The following SLC33A1 variants were observed in gnomAD, a reference collection of about 807,000 sequenced individuals.
SLC33A1 encodes the protein acetyl-coenzyme A transporter 1.
In SLC33A1, 20 loss-of-function variants were observed where a neutral mutation model predicts 50.0. That is an observed-to-expected ratio of 0.40 (90% CI 0.28 to 0.58). The LOEUF (loss-of-function observed/expected upper bound fraction) is 0.58. Among genes scored for constraint, SLC33A1 ranks in the 20% least tolerant of loss-of-function variants. The pLI is 0.44. For missense variants in SLC33A1, 476 were observed against 657.0 expected (o/e 0.72, Z 3.01); for synonymous variants, 265 against 251.8 (o/e 1.05, Z -0.50).
intron 2 of SLC33A1, among the ~76,000 whole-genome samples, chr3:155,835,477 G>A (rs144391299): frequency 2.2e-4 from 34 of 152,268 alleles, no homozygotes; most frequent in African/African-American, 7.9e-4. Context: ...TGCAAACATA[G>A]ATAAGCAAGC....
At chr3:155,835,178 A>G (rs1188392637) in intron 2 of SLC33A1, among the ~76,000 whole-genome samples, 1 of 152,200 alleles carries the variant, frequency 6.6e-6, no homozygotes, top group Non-Finnish European at 1.5e-5. Context: ...AAATTACTCT[A>G]AAGTATTTCA....
intron 5 of SLC33A1, 87 bp downstream of exon 5, chr3:155,829,601 A>G (rs1752328855): frequency 2.1e-6 from 2 of 972,754 alleles, no homozygotes; most frequent in Admixed American, 3.9e-5. Context: ...ATGATTTTTA[A>G]AAAAGATATA....
intron 1 of SLC33A1, among the ~76,000 whole-genome samples, chr3:155,852,230 G>A (rs376255529): frequency 1.3e-5 from 2 of 151,986 alleles, no homozygotes; most frequent in African/African-American, 4.8e-5. Context: ...CCAAGGAGGG[G>A]GAGAATCACC....
chr3:155,833,700 A>C, intron 3 of SLC33A1, 115 bp from the exon 4 acceptor site: 1 of 929,972 alleles, frequency 1.1e-6, no homozygotes, highest in Non-Finnish European at 1.8e-6. Context: ...ACCTGTTAGG[A>C]GGTTAAAAAG....
At position 155,848,036 on chromosome 3, in the gene SLC33A1, T is replaced by C. The variant is rs915250767; in HGVS notation, c.775+5187A>G. Among the ~76,000 whole-genome samples the C allele has an allele frequency of 7.2e-5, 11 of 152,348 alleles. No homozygotes were observed. The South Asian group carries it at 2.3e-3, about 32-fold the overall frequency. The stretch of plus-strand genomic sequence containing the variant: ...AATCACTTCTAATTGTTACTACTGC[T>C]GCTAGAGGAGAGGGCCTCAATTACC... On this transcript the variant is annotated intron_variant, in intron 1 of 5. Transcript: ENST00000643144.
intron 2 of SLC33A1, among the ~76,000 whole-genome samples, chr3:155,840,791 G>A (rs1365843973): frequency 6.6e-6 from 1 of 151,896 alleles, no homozygotes; most frequent in Non-Finnish European, 1.5e-5. Flanking sequence ...TCCAGCCTGG[G>A]CAATAAGAGT....
At chr3:155,830,324 G>T (rs1752374284) in intron 4 of SLC33A1, among the ~76,000 whole-genome samples, 1 of 151,830 alleles carries the variant, frequency 6.6e-6, no homozygotes, top group Non-Finnish European at 1.5e-5. Context: ...AGTGAGCTGA[G>T]ATCGCACCAC....
intron 4 of SLC33A1, among the ~76,000 whole-genome samples, chr3:155,831,685 A>G (rs1752442012): frequency 6.6e-6 from 1 of 152,112 alleles, no homozygotes; most frequent in South Asian, 2.1e-4. Flanking sequence ...TAACATACCG[A>G]CAGAAATACT....
Position 155,854,152 on chromosome 3 carries a change from A to G in SLC33A1, c.-155T>C, listed in dbSNP as rs889676830. 1 of 554,912 alleles carries G rather than the reference A, an allele frequency of 1.8e-6. No homozygotes were observed. The highest frequency in any genetic ancestry group is 3.1e-6 in the Non-Finnish European group (1 of 327,836). 34.4% of individuals were successfully genotyped at this position (554,912 alleles called of 1,614,324 possible). A position where few individuals can be genotyped will look rare whatever the true frequency, so the allele number is the denominator to read the frequency against. ...GAGCGATAAGGGCACTTCTTACTGCAGCCCGGAGTGCTGAAGCCGGGAGCC... is the reference window on the plus strand; with the variant it reads ...GAGCGATAAGGGCACTTCTTACTGCGGCCCGGAGTGCTGAAGCCGGGAGCC... On this transcript the variant is annotated 5_prime_UTR_variant, in exon 1 of 6. Transcript: ENST00000643144.
chr3:155,849,232 T>C (rs911457132), intron 1 of SLC33A1, among the ~76,000 whole-genome samples: 2 of 151,962 alleles, frequency 1.3e-5, no homozygotes, highest in Non-Finnish European at 2.9e-5. Flanking sequence ...ATTTTAGAAT[T>C]AAAAAAAGAA....
intron 2 of SLC33A1, among the ~76,000 whole-genome samples, chr3:155,838,740 C>T (rs1319114497): frequency 1.3e-5 from 2 of 151,138 alleles, no homozygotes; most frequent in African/African-American, 4.9e-5. Context: ...GTTCTAACTA[C>T]TTGAGAGGCT....
intron 1 of SLC33A1, among the ~76,000 whole-genome samples, chr3:155,849,939 TAATAATAATAATAATAAC>T (rs1229622288): frequency 2.0e-5 from 3 of 147,368 alleles, no homozygotes; most frequent in Admixed American, 1.4e-4. Flanking sequence ...ATAATAATAA[TAATAATAATAATAATAAC>T]AATTCACTGC....
At chr3:155,838,130 C>A (rs578180212) in intron 2 of SLC33A1, among the ~76,000 whole-genome samples, 6 of 151,886 alleles carry the variant, frequency 4.0e-5, no homozygotes, top group Admixed American at 2.0e-4. Flanking sequence ...ATGGAGAAAC[C>A]CTGTCCCTAC....
Position 155,829,868 on chromosome 3 carries a change from A to C in SLC33A1, c.1302T>G (p.Ala434=). The change falls in exon 5 of 6, where the codon GCT becomes GCG. Residue 434 remains alanine (A), a synonymous_variant. Coordinates refer to ENST00000643144, the MANE Select transcript of SLC33A1 (RefSeq NM_004733.4). ...GTGGATCACTAACCTTTGCATTGAA[A>C]GCCATTATAGAAACATACATGCTGT... ...TVYSMYVSIM[A]FNAKVSDPLI... is the part of the protein sequence containing the mutation. 1 of 1,613,508 alleles carries C rather than the reference A, an allele frequency of 6.2e-7. No homozygotes were observed. The highest frequency in any genetic ancestry group is 2.2e-5 in the East Asian group (1 of 44,870).
In SLC33A1 at chr3:155,853,020, C is replaced by G; in HGVS notation, c.775+203G>C. ...TGATGGGTTGCCTCTCCCTGTTAACCGCATAGTGATCATTTGATTGCTCTA... is the reference window on the plus strand; with the variant it reads ...TGATGGGTTGCCTCTCCCTGTTAACGGCATAGTGATCATTTGATTGCTCTA... On this transcript the variant is annotated intron_variant, in intron 1 of 5. Coordinates refer to ENST00000643144, the MANE Select transcript of SLC33A1 (RefSeq NM_004733.4). 6.7e-6 allele frequency: 4 copies of G among 597,852 alleles called. No homozygotes were observed. The South Asian group carries it at 8.3e-5, about 12-fold the overall frequency. The allele number at this position is 597,852 out of a possible 1,614,324, so 37.0% of individuals were successfully genotyped here. A position where few individuals can be genotyped will look rare whatever the true frequency, so the allele number is the denominator to read the frequency against.
At chr3:155,840,183 G>A (rs1490534970) in intron 2 of SLC33A1, among the ~76,000 whole-genome samples, 1 of 151,286 alleles carries the variant, frequency 6.6e-6, no homozygotes, top group Non-Finnish European at 1.5e-5. Flanking sequence ...CGCCTCCCGG[G>A]TTCCAGCGAT....
intron 1 of SLC33A1, among the ~76,000 whole-genome samples, chr3:155,849,551 T>A (rs923020582): frequency 6.7e-6 from 1 of 149,990 alleles, no homozygotes; most frequent in Admixed American, 6.6e-5. Flanking sequence ...AAGCTAGTTA[T>A]AGAATCTACT....
chr3:155,847,748 CAAAA>C (rs1316946481), intron 1 of SLC33A1, among the ~76,000 whole-genome samples: 11 of 132,146 alleles, frequency 8.3e-5, no homozygotes, highest in African/African-American at 3.6e-4. Context: ...AACTCCGTCT[CAAAA>C]AATAAATAAA....
chr3:155,851,648 C>A (rs1373259976), intron 1 of SLC33A1, among the ~76,000 whole-genome samples: 1 of 147,972 alleles, frequency 6.8e-6, no homozygotes, highest in Non-Finnish European at 1.5e-5. Flanking sequence ...AAACTCCTGA[C>A]CTCAAGTGAT....
Sources: allele counts gnomAD v4.1 joint callset (sites outside exome capture counted in the v4.1 genomes callset), GRCh38; gene constraint gnomAD v4.1.1; transcripts MANE v1.5; gene names NCBI Gene and HGNC (gene_info 2026-07-23, HGNC 2026-07-21).